The following GPC6 variants were observed in gnomAD, a reference collection of about 807,000 sequenced individuals.
GPC6 encodes the protein glypican-6.
A neutral mutation model predicts 55.2 loss-of-function variants in GPC6; 14 were observed. That is an observed-to-expected ratio of 0.25 (90% CI 0.17 to 0.40). GPC6 has a LOEUF of 0.40. GPC6 is among the 10% of genes least tolerant of loss of function. GPC6 has a pLI of 1.00. For missense variants in GPC6, 641 were observed against 708.5 expected (o/e 0.90, Z 1.08); for synonymous variants, 278 against 259.6 (o/e 1.07, Z -0.68).
chr13:94,280,478 G>A (rs1004982017), intron 4 of GPC6, among the ~76,000 whole-genome samples: 3 of 152,102 alleles, frequency 2.0e-5, no homozygotes, highest in Non-Finnish European at 2.9e-5. Context: ...TCATCGATTT[G>A]GGTGAAAGCA....
chr13:93,281,291 G>A (rs913092741), intron 1 of GPC6, among the ~76,000 whole-genome samples: 2 of 152,116 alleles, frequency 1.3e-5, no homozygotes, highest in Non-Finnish European at 2.9e-5. Context: ...TGGAGGCTGG[G>A]AAGTCCAAGA....
intron 2 of GPC6, among the ~76,000 whole-genome samples, chr13:93,758,102 G>A (rs369729129): frequency 6.6e-6 from 1 of 152,180 alleles, no homozygotes; most frequent in African/African-American, 2.4e-5. Context: ...ATATGGAAGT[G>A]CAACCACATT....
intron 3 of GPC6, among the ~76,000 whole-genome samples, chr13:94,004,686 CCA>C (rs972147186): frequency 6.6e-6 from 1 of 152,092 alleles, no homozygotes; most frequent in African/African-American, 2.4e-5. Context: ...TCTTACTATG[CCA>C]CAGTGTAAAA....
intron 6 of GPC6, among the ~76,000 whole-genome samples, chr13:94,312,909 C>G (rs550779553): frequency 3.3e-5 from 5 of 152,194 alleles, no homozygotes; most frequent in Non-Finnish European, 7.3e-5. Flanking sequence ...CCATTCACCC[C>G]AGCAAACAAA....
chr13:93,322,445 T>C (rs1221955062), intron 1 of GPC6, among the ~76,000 whole-genome samples: 1 of 144,516 alleles, frequency 6.9e-6, no homozygotes, highest in African/African-American at 2.6e-5. Flanking sequence ...TTTTTTTTTT[T>C]TTTTTTTTGA....
At chr13:93,555,727 C>G (rs186794258) in intron 2 of GPC6, among the ~76,000 whole-genome samples, 1 of 152,168 alleles carries the variant, frequency 6.6e-6, no homozygotes, top group Non-Finnish European at 1.5e-5. Flanking sequence ...GTCACACACA[C>G]AGGCGTGAAT....
chr13:93,803,627 C>G (rs898418368), intron 2 of GPC6, among the ~76,000 whole-genome samples: 3 of 152,130 alleles, frequency 2.0e-5, no homozygotes, highest in African/African-American at 7.2e-5. Context: ...CCAAAAACTT[C>G]TATATGAATG....
At chr13:93,685,827 C>A (rs149125860) in intron 2 of GPC6, among the ~76,000 whole-genome samples, 2 of 152,036 alleles carry the variant, frequency 1.3e-5, no homozygotes, top group African/African-American at 2.4e-5. Flanking sequence ...TTTTTCCTTG[C>A]GTTCACAACA....
intron 2 of GPC6, among the ~76,000 whole-genome samples, chr13:93,755,591 C>A (rs1884740177): frequency 6.6e-6 from 1 of 152,080 alleles, no homozygotes; most frequent in South Asian, 2.1e-4. Context: ...TTGTTTATTT[C>A]TTTGTGTCAA....
At chr13:93,549,291 G>A (rs1874995396) in intron 2 of GPC6, among the ~76,000 whole-genome samples, 1 of 152,102 alleles carries the variant, frequency 6.6e-6, no homozygotes, top group Admixed American at 6.5e-5. Flanking sequence ...TCATCTTTGT[G>A]TACTCACTCA....
chr13:93,615,431 T>C lies in GPC6; in HGVS notation c.319+70010T>C, dbSNP rs138135998. On this transcript the variant is annotated intron_variant, in intron 2 of 8. Transcript: ENST00000377047. The stretch of plus-strand genomic sequence containing the variant: ...CATGATTTTCTTATTACATTTTTAA[T>C]AGATATTCAGTGAAAAAGGTAACTG... Among the ~76,000 whole-genome samples the C allele has an allele frequency of 7.3e-3, 1,118 of 152,282 alleles. 10 individuals carry two copies. Among genetic ancestry groups the C allele is most frequent in the Middle Eastern group, 0.058 (17 of 294 alleles).
intron 4 of GPC6, among the ~76,000 whole-genome samples, chr13:94,094,992 C>T (rs1885611758): frequency 6.6e-6 from 1 of 152,018 alleles, no homozygotes; most frequent in South Asian, 2.1e-4. Context: ...TTTAACTTGG[C>T]ATCCTCCTTT....
intron 4 of GPC6, among the ~76,000 whole-genome samples, chr13:94,120,439 C>T (rs1886587806): frequency 6.6e-6 from 1 of 152,052 alleles, no homozygotes; most frequent in Non-Finnish European, 1.5e-5. Flanking sequence ...TTCTTAAAGG[C>T]CAGGTTTCTT....
intron 3 of GPC6, among the ~76,000 whole-genome samples, chr13:93,919,928 G>A (rs1307907923): frequency 3.9e-5 from 6 of 152,150 alleles, no homozygotes; most frequent in Non-Finnish European, 8.8e-5. Context: ...GCGTAGACAC[G>A]CACTCACTCC....
At chr13:93,595,374 G>A (rs982666236) in intron 2 of GPC6, among the ~76,000 whole-genome samples, 4 of 152,052 alleles carry the variant, frequency 2.6e-5, no homozygotes, top group African/African-American at 4.8e-5. Context: ...AAGTTTTATC[G>A]CTTGTTGGCC....
chr13:94,260,816 G>T (rs935059469), intron 4 of GPC6, among the ~76,000 whole-genome samples: 1 of 152,140 alleles, frequency 6.6e-6, no homozygotes, highest in Non-Finnish European at 1.5e-5. Context: ...CGGGAGCATG[G>T]TGGAGGCTGG....
intron 1 of GPC6, among the ~76,000 whole-genome samples, chr13:93,230,220 G>T (rs1875960723): frequency 6.6e-6 from 1 of 152,232 alleles, no homozygotes; most frequent in Middle Eastern, 3.4e-3. Context: ...AGCTTGCTTA[G>T]TGAAATAACT....
intron 4 of GPC6, among the ~76,000 whole-genome samples, chr13:94,254,240 A>G (rs1275315290): frequency 2.6e-5 from 4 of 152,162 alleles, no homozygotes; most frequent in Non-Finnish European, 4.4e-5. Flanking sequence ...AAAAATTGCC[A>G]AAAAGCCTAT....
rs58063943 is a variant in GPC6, at chr13:93,960,815, C to CTTT, written c.712-66901_712-66899dup. 8.2e-5 allele frequency among the ~76,000 whole-genome samples: 10 copies of CTTT among 122,254 alleles called. 1 individual carries two copies. Among genetic ancestry groups the CTTT allele is most frequent in the Admixed American group, 8.2e-5 (1 of 12,144 alleles). 80.2% of individuals were successfully genotyped at this position (122,254 alleles called of 152,430 possible). The stretch of plus-strand genomic sequence containing the variant: ...TTATTGCTGGAATTTTTTTTTTTTT[C>CTTT]TTTTTTTTTTTTTTTGAGACAGAGT... On this transcript the variant is annotated intron_variant, in intron 3 of 8. Coordinates refer to ENST00000377047, the MANE Select transcript of GPC6 (RefSeq NM_005708.5).
Sources: gnomAD v4.1 joint callset for allele counts (sites outside exome capture counted in the v4.1 genomes callset) on GRCh38, gnomAD v4.1.1 for gene constraint, MANE v1.5 for transcripts, NCBI Gene and HGNC (gene_info 2026-07-23, HGNC 2026-07-21) for gene names.